Variants in CDC20B observed in about 807,000 individuals in gnomAD.
CDC20B encodes the protein cell division cycle protein 20 homolog B.
In CDC20B, 58 loss-of-function variants were observed where a neutral mutation model predicts 64.1. That is an observed-to-expected ratio of 0.90 (90% CI 0.73 to 1.13). The LOEUF is 1.13. CDC20B is among the 50% of genes most tolerant of loss of function. CDC20B has a pLI of 0.00. For missense variants in CDC20B, 597 were observed against 633.0 expected (o/e 0.94, Z 0.61); for synonymous variants, 243 against 230.6 (o/e 1.05, Z -0.49).
At chr5:55,172,067 G>A (rs7712791) in intron 2 of CDC20B, among the ~76,000 whole-genome samples, 4 of 152,172 alleles carry the variant, frequency 2.6e-5, no homozygotes, top group Non-Finnish European at 5.9e-5. Context: ...TATGAAACAC[G>A]TTTATAAAAC....
chr5:55,156,913 T>G (rs187951390), intron 2 of CDC20B, among the ~76,000 whole-genome samples: 65 of 152,264 alleles, frequency 4.3e-4, no homozygotes, highest in African/African-American at 1.4e-3. Flanking sequence ...AGTCATTTAT[T>G]TAGCACTCAG....
chr5:55,129,025 C>T (rs998889903), intron 6 of CDC20B, among the ~76,000 whole-genome samples: 11 of 152,118 alleles, frequency 7.2e-5, no homozygotes, highest in African/African-American at 1.4e-4. Flanking sequence ...AAAAACACCA[C>T]CCAGCTAGAA....
At chr5:55,150,595 T>C (rs1052010322) in intron 2 of CDC20B, among the ~76,000 whole-genome samples, 5 of 152,158 alleles carry the variant, frequency 3.3e-5, no homozygotes, top group Non-Finnish European at 7.4e-5. Context: ...TTGTAGTTCT[T>C]GGTTTTTGAG....
chr5:55,133,040 C>T (rs947420581), intron 6 of CDC20B, among the ~76,000 whole-genome samples: 6 of 152,146 alleles, frequency 3.9e-5, no homozygotes, highest in Admixed American at 3.3e-4. Context: ...AGTTCCGTGT[C>T]AGTTAGTCCT....
chr5:55,170,030 C>T (rs540195460), intron 2 of CDC20B, among the ~76,000 whole-genome samples: 1 of 152,130 alleles, frequency 6.6e-6, no homozygotes, highest in Admixed American at 6.6e-5. Flanking sequence ...AGGAGAATGG[C>T]GTGAACCCGG....
At chr5:55,160,579 C>G (rs916341675) in intron 2 of CDC20B, 6 of 553,632 alleles carry the variant, frequency 1.1e-5, no homozygotes, top group African/African-American at 9.6e-5. Flanking sequence ...TAATAAATTC[C>G]GATTATCTCG....
chr5:55,150,175 T>C lies in CDC20B; in HGVS notation c.127-3319A>G, dbSNP rs538932329. 4.6e-5 allele frequency among the ~76,000 whole-genome samples: 7 copies of C among 152,300 alleles called. No individual in the cohort carries two copies. The South Asian group carries it at 1.2e-3, about 27-fold the overall frequency. The stretch of plus-strand genomic sequence containing the variant: ...ATTAAAAAATAAAGGTTTTTTTAAA[T>C]ATGTGCATTTCACTTCAATAAAAGA... On this transcript the variant is annotated intron_variant, in intron 2 of 11. Coordinates refer to ENST00000381375, the MANE Select transcript of CDC20B (RefSeq NM_001170402.1).
intron 2 of CDC20B, among the ~76,000 whole-genome samples, chr5:55,163,879 A>T (rs1465975690): frequency 6.7e-6 from 1 of 150,304 alleles, no homozygotes; most frequent in Admixed American, 6.7e-5. Context: ...CATCAAGTAT[A>T]TTGAAATCTG....
intron 2 of CDC20B, among the ~76,000 whole-genome samples, chr5:55,159,836 CAATA>C (rs1272465883): frequency 2.0e-5 from 3 of 152,190 alleles, no homozygotes; most frequent in African/African-American, 4.8e-5. Flanking sequence ...AACAGTTGCT[CAATA>C]AATACACAGC....
At chr5:55,171,410 A>C (rs1744594676) in intron 2 of CDC20B, among the ~76,000 whole-genome samples, 1 of 152,234 alleles carries the variant, frequency 6.6e-6, no homozygotes, top group Non-Finnish European at 1.5e-5. Flanking sequence ...TAAAATATCT[A>C]GGAGTCGTGA....
chr5:55,158,968 T>C (rs1308021195), intron 2 of CDC20B, among the ~76,000 whole-genome samples: 4 of 152,196 alleles, frequency 2.6e-5, no homozygotes, highest in African/African-American at 9.7e-5. Context: ...ATTGCCTTAT[T>C]TAACTGTTAA....
chr5:55,169,499 C>T (rs1325928308), intron 2 of CDC20B, among the ~76,000 whole-genome samples: 1 of 152,208 alleles, frequency 6.6e-6, no homozygotes, highest in African/African-American at 2.4e-5. Context: ...GTCAAAATGC[C>T]TCCAAGGTAA....
In CDC20B at chr5:55,120,408, C is replaced by G; in HGVS notation, c.1341+17G>C. On this transcript the variant is annotated intron_variant, in intron 10 of 11. Coordinates refer to ENST00000381375, the MANE Select transcript of CDC20B (RefSeq NM_001170402.1). The stretch of plus-strand genomic sequence containing the variant: ...CAGAAGATCAAAATGAAGATGAAGC[C>G]CAGAGGAGATATTAACCTGTGAGTT... 1 of 1,612,908 alleles carries G rather than the reference C, an allele frequency of 6.2e-7. No homozygotes were observed. Among genetic ancestry groups the G allele is most frequent in the Non-Finnish European group, 8.5e-7 (1 of 1,179,318 alleles).
At chr5:55,120,397 G>A (rs1742727458) in intron 10 of CDC20B, 28 bp downstream of exon 10, 1 of 1,612,204 alleles carries the variant, frequency 6.2e-7, no homozygotes. Context: ...AGATCAAAAT[G>A]AAGATGAAGC....
rs1490531735 is a variant in CDC20B, at chr5:55,113,124, G to C, written c.*1094C>G. 6.6e-6 allele frequency: 1 copy of C among 152,176 alleles called. No individual in the cohort carries two copies. Among genetic ancestry groups the C allele is most frequent in the Non-Finnish European group, 1.5e-5 (1 of 68,042 alleles). The allele number at this position is 152,176 out of a possible 1,614,324, so 9.4% of individuals were successfully genotyped here. On this transcript the variant is annotated 3_prime_UTR_variant, in exon 12 of 12. Transcript: ENST00000381375. Reference sequence around the variant, plus strand: ...ACTTGTGTGGGTGTGTAAAGGAAAAGGAGAGAGAAGCAAGAATTCAGATTA... The same window carrying C: ...ACTTGTGTGGGTGTGTAAAGGAAAACGAGAGAGAAGCAAGAATTCAGATTA...
chr5:55,155,430 G>C (rs746904316), intron 2 of CDC20B, among the ~76,000 whole-genome samples: 2 of 152,136 alleles, frequency 1.3e-5, no homozygotes, highest in Non-Finnish European at 2.9e-5. Context: ...GATAAAAGTA[G>C]CAAAGACAGC....
At chr5:55,122,290 GAC>G (rs1742776801) in intron 9 of CDC20B, among the ~76,000 whole-genome samples, 2 of 143,704 alleles carry the variant, frequency 1.4e-5, no homozygotes. Context: ...TTTTTTTTAA[GAC>G]ACAGTCTCAC....
intron 5 of CDC20B, among the ~76,000 whole-genome samples, chr5:55,135,119 G>T (rs991436361): frequency 6.6e-6 from 1 of 152,106 alleles, no homozygotes; most frequent in Non-Finnish European, 1.5e-5. Context: ...TTGATAACGG[G>T]GGAGGCTGTG....
At chr5:55,147,252 G>T (rs1743518000) in intron 2 of CDC20B, among the ~76,000 whole-genome samples, 1 of 93,382 alleles carries the variant, frequency 1.1e-5, no homozygotes, top group Non-Finnish European at 2.2e-5. Context: ...ACATAAATAT[G>T]TTATGTTTTA....
Sources: gnomAD v4.1 joint callset for allele counts (sites outside exome capture counted in the v4.1 genomes callset) on GRCh38, gnomAD v4.1.1 for gene constraint, MANE v1.5 for transcripts, NCBI Gene and HGNC (gene_info 2026-07-23, HGNC 2026-07-21) for gene names.